The following HNF4G variants were observed in gnomAD, a reference collection of about 807,000 sequenced individuals.
HNF4G encodes hepatocyte nuclear factor 4 gamma.
HNF4G carries 21 observed loss-of-function variants against 50.9 expected under a neutral mutation model. The ratio of observed to expected loss-of-function variants is 0.41; its 90% CI spans 0.29 to 0.59. HNF4G has a LOEUF of 0.59. HNF4G is among the 20% of genes least tolerant of loss of function. HNF4G has a pLI of 0.26. For synonymous variants in HNF4G, 198 were observed against 185.6 expected (o/e 1.07, Z -0.54); for missense variants, 527 against 559.4 (o/e 0.94, Z 0.58).
chr8:75,541,917 A>G (rs922803876), intron 1 of HNF4G, among the ~76,000 whole-genome samples: 1 of 152,156 alleles, frequency 6.6e-6, no homozygotes, highest in Non-Finnish European at 1.5e-5. Flanking sequence ...CATGGGGCTT[A>G]TATTCTGTGT....
At chr8:75,454,870 TATGGTATCATTAA>T (rs1811682385) in intron 1 of HNF4G, among the ~76,000 whole-genome samples, 1 of 152,170 alleles carries the variant, frequency 6.6e-6, no homozygotes, top group East Asian at 1.9e-4. Flanking sequence ...GTACCTAGCC[TATGGTATCATTAA>T]ACCTATTTTT....
In HNF4G at chr8:75,564,656, A is replaced by G. The variant is rs1406126272; in HGVS notation, c.*560A>G. 2 of 152,180 alleles carry G rather than the reference A, an allele frequency of 1.3e-5. No individual in the cohort carries two copies. The highest frequency in any genetic ancestry group is 2.9e-5 in the Non-Finnish European group (2 of 68,014). 9.4% of individuals were successfully genotyped at this position (152,180 alleles called of 1,614,324 possible). ...CTTTGCTTTAGAGTTAAATATTCCT[A>G]TCTTAAGTTTAGAAAAATACAAAAA... On this transcript the variant is annotated 3_prime_UTR_variant, in exon 10 of 10. Coordinates refer to ENST00000396423, the MANE Select transcript of HNF4G (RefSeq NM_004133.5).
At chr8:75,430,503 GGAGA>G (rs919552304) in intron 1 of HNF4G, among the ~76,000 whole-genome samples, 9 of 123,334 alleles carry the variant, frequency 7.3e-5, no homozygotes, top group African/African-American at 2.4e-4. Flanking sequence ...AGAGAGAGAG[GGAGA>G]GAGAGAGAGA....
chr8:75,440,724 AT>A (rs2130545352), intron 1 of HNF4G, among the ~76,000 whole-genome samples: 1 of 152,350 alleles, frequency 6.6e-6, no homozygotes, highest in Non-Finnish European at 1.5e-5. Flanking sequence ...TACAGCCCTA[AT>A]TTAGCTAATA....
intron 2 of HNF4G, among the ~76,000 whole-genome samples, chr8:75,545,243 G>GTGTGTGTT (rs1044121852): frequency 6.1e-5 from 8 of 131,720 alleles, no homozygotes; most frequent in African/African-American, 1.8e-4. Context: ...AATTGAATGT[G>GTGTGTGTT]TGTGTGTGTG....
At chr8:75,542,391 C>T (rs753667485) in intron 1 of HNF4G, among the ~76,000 whole-genome samples, 1 of 151,958 alleles carries the variant, frequency 6.6e-6, no homozygotes, top group Non-Finnish European at 1.5e-5. Flanking sequence ...AATGTGTGTT[C>T]AGAGAAGGTT....
intron 2 of HNF4G, among the ~76,000 whole-genome samples, chr8:75,530,439 A>AAT (rs1256601442): frequency 6.6e-6 from 1 of 151,894 alleles, no homozygotes; most frequent in Non-Finnish European, 1.5e-5. Context: ...ATAAAAAAAA[A>AAT]AAATACTACC....
chr8:75,518,609 A>C (rs1363724012), intron 2 of HNF4G, among the ~76,000 whole-genome samples: 1 of 152,150 alleles, frequency 6.6e-6, no homozygotes, highest in Non-Finnish European at 1.5e-5. Flanking sequence ...TAAGCTGCCA[A>C]AGTTTGGGAC....
chr8:75,541,900 C>G (rs555381164), intron 1 of HNF4G, among the ~76,000 whole-genome samples: 97 of 152,222 alleles, frequency 6.4e-4, no homozygotes, highest in Non-Finnish European at 1.8e-4. Context: ...GATAAATTCT[C>G]TACCAACATG....
chr8:75,547,474 C>T (rs1806819376), intron 2 of HNF4G, 113 bp from the exon 3 acceptor site: 2 of 751,242 alleles, frequency 2.7e-6, no homozygotes, highest in East Asian at 2.5e-5. Flanking sequence ...GTTCCTATAC[C>T]TTCTTTTTAT....
At chr8:75,437,754 TA>T (rs1278921912) in intron 1 of HNF4G, among the ~76,000 whole-genome samples, 5 of 151,874 alleles carry the variant, frequency 3.3e-5, no homozygotes, top group South Asian at 2.1e-4. Flanking sequence ...AACATGGACA[TA>T]AAAAATATAA....
At chr8:75,481,238 A>T (rs1331370573) in intron 1 of HNF4G, among the ~76,000 whole-genome samples, 1 of 152,098 alleles carries the variant, frequency 6.6e-6, no homozygotes, top group Non-Finnish European at 1.5e-5. Flanking sequence ...TACTTTTAAC[A>T]CTTTATGAGC....
intron 1 of HNF4G, among the ~76,000 whole-genome samples, chr8:75,448,177 G>A (rs1442674890): frequency 7.6e-4 from 102 of 133,842 alleles, no homozygotes; most frequent in Non-Finnish European, 1.4e-3. Flanking sequence ...GTAAACTATC[G>A]CAAGAACAAA....
chr8:75,554,914 G>A (rs1807068808), intron 5 of HNF4G, among the ~76,000 whole-genome samples: 1 of 152,162 alleles, frequency 6.6e-6, no homozygotes, highest in Non-Finnish European at 1.5e-5. Flanking sequence ...AAGCCCAGGA[G>A]AATCTGAGAA....
chr8:75,534,009 A>C (rs549350053), intron 2 of HNF4G, among the ~76,000 whole-genome samples: 38 of 152,058 alleles, frequency 2.5e-4, no homozygotes, highest in Admixed American at 1.2e-3. Flanking sequence ...TGCACTCAGC[A>C]TAGTGAAACT....
intron 1 of HNF4G, among the ~76,000 whole-genome samples, chr8:75,435,430 A>G (rs1321530228): frequency 2.0e-5 from 3 of 152,186 alleles, no homozygotes. Context: ...CAGCTATCGA[A>G]CTTTTTTACT....
intron 1 of HNF4G, among the ~76,000 whole-genome samples, chr8:75,437,669 G>A (rs892578949): frequency 5.9e-5 from 9 of 151,668 alleles, no homozygotes; most frequent in African/African-American, 1.5e-4. Flanking sequence ...GTGAGACTCC[G>A]TCTCAAAAAA....
intron 2 of HNF4G, among the ~76,000 whole-genome samples, chr8:75,528,582 G>A (rs1300155801): frequency 1.3e-5 from 2 of 152,158 alleles, no homozygotes; most frequent in African/African-American, 4.8e-5. Context: ...GGGAGAATGA[G>A]TCATTTAATT....
intron 1 of HNF4G, among the ~76,000 whole-genome samples, chr8:75,425,187 T>A (rs1810864493): frequency 6.6e-6 from 1 of 151,844 alleles, no homozygotes; most frequent in South Asian, 2.1e-4. Context: ...TAGGTTCAAG[T>A]GATTCTCCCG....
Sources: allele counts gnomAD v4.1 joint callset (sites outside exome capture counted in the v4.1 genomes callset), GRCh38; gene constraint gnomAD v4.1.1; transcripts MANE v1.5; gene names NCBI Gene and HGNC (gene_info 2026-07-23, HGNC 2026-07-21).